The following POLR2F variants were observed in gnomAD, a reference collection of about 807,000 sequenced individuals.
POLR2F encodes RNA polymerase II, I and III subunit F, also known as DNA-directed RNA polymerases I, II, and III subunit RPABC2.
Under a neutral mutation model 22.7 loss-of-function variants are expected in POLR2F, and 12 were observed. The observed-to-expected ratio is 0.53, with a 90% CI of 0.34 to 0.86. POLR2F has a LOEUF of 0.86. Ranked by LOEUF, POLR2F falls within the 40% of genes least tolerant of loss-of-function variation. The probability of loss-of-function intolerance (pLI) is 0.02; values close to 1 mark genes in which losing one functional copy is unlikely to be tolerated. For missense variants in POLR2F, 126 were observed against 171.5 expected (o/e 0.73, Z 1.48); for synonymous variants, 57 against 66.0 (o/e 0.86, Z 0.66).
At chr22:38,010,773 C>T (rs975198779) in intron 1 of POLR2F, among the ~76,000 whole-genome samples, 2 of 151,748 alleles carry the variant, frequency 1.3e-5, no homozygotes, top group South Asian at 2.1e-4. Context: ...CACCCCACCA[C>T]GACCAGCTAA....
upstream of POLR2F, chr22:37,983,713 G>A (rs763019569): frequency 1.8e-4 from 265 of 1,501,208 alleles, no homozygotes; most frequent in African/African-American, 3.4e-3. This position sits in a 1 kb window ranked among gnomAD's most constrained non-coding sequence, Gnocchi z 9.5. Context: ...CGCTCCCCGG[G>A]GACAGGCAGC....
At chr22:37,956,899 C>A in intron 2 of POLR2F, 57 bp downstream of exon 2, 2 of 1,331,764 alleles carry the variant, frequency 1.5e-6, no homozygotes, top group South Asian at 1.2e-5. Flanking sequence ...AATCGTCTGA[C>A]AGGTGATGAT....
chr22:38,031,868 T>C lies in POLR2F; in HGVS notation c.453-9200T>C, dbSNP rs964518577. On this transcript the variant is annotated intron_variant, in intron 5 of 5. Coordinates refer to the POLR2F transcript ENST00000407936. The surrounding 1 kb of genome is among the most constrained non-coding windows in gnomAD (Gnocchi z 4.1). The stretch of plus-strand genomic sequence containing the variant: ...ACTCATCCATCCCCTTCATCCCCTA[T>C]GGCTAGTCATCGGCCATGACAATTT... Among the ~76,000 whole-genome samples the C allele has an allele frequency of 5.3e-5, 8 of 152,116 alleles. No homozygotes were observed. The highest frequency in any genetic ancestry group is 1.7e-4 in the African/African-American group (7 of 41,420).
intron 1 of POLR2F, among the ~76,000 whole-genome samples, chr22:37,993,111 A>T (rs1932754480): frequency 6.6e-6 from 1 of 152,108 alleles, no homozygotes; most frequent in African/African-American, 2.4e-5. Flanking sequence ...CCTTTATGAG[A>T]TGGGTCCATT....
rs1280732886 is a variant in POLR2F at position 37,986,878 on chromosome 22, T to G, written c.120+566T>G. On this transcript the variant is annotated intron_variant, in intron 1 of 2. Transcript: ENST00000333418. The surrounding 1 kb of genome is among the most constrained non-coding windows in gnomAD (Gnocchi z 4.7). ...AGGGTGAAGGACCCATAGTCATTCC[T>G]GAAGAGCAGGGAGCTTGGAGAGGGG... 3 of 451,392 alleles carry G rather than the reference T, an allele frequency of 6.6e-6. No individual in the cohort carries two copies. The highest frequency in any genetic ancestry group is 7.0e-5 in the East Asian group (1 of 14,252). The allele number at this position is 451,392 out of a possible 1,614,324, so 28.0% of individuals were successfully genotyped here. A position where few individuals can be genotyped will look rare whatever the true frequency, so the allele number is the denominator to read the frequency against.
At chr22:37,982,442 C>T (rs1456099223), upstream of POLR2F, among the ~76,000 whole-genome samples, 1 of 152,176 alleles carries the variant, frequency 6.6e-6, no homozygotes, top group Non-Finnish European at 1.5e-5. Context: ...GGAGGCCTGG[C>T]TGAACCCCAG....
intron 5 of POLR2F, among the ~76,000 whole-genome samples, chr22:38,039,085 C>G (rs1039621468): frequency 1.3e-4 from 20 of 152,230 alleles, no homozygotes; most frequent in Admixed American, 7.8e-4. Flanking sequence ...TCCCGCGGCC[C>G]TTGCCTCCCG....
At position 37,997,468 on chromosome 22, in the gene POLR2F, C is replaced by T. The variant is rs1347874018; in HGVS notation, c.120+11156C>T. On this transcript the variant is annotated intron_variant, in intron 1 of 2. Transcript: ENST00000333418. The surrounding 1 kb of genome is among the most constrained non-coding windows in gnomAD (Gnocchi z 4.4). ...TCTCCCTGTTTTTCTCTCCCTGATG[C>T]GTTCTCTCTGTCCCTCCCTCCATGA... 3.9e-5 allele frequency among the ~76,000 whole-genome samples: 6 copies of T among 152,100 alleles called. No individual in the cohort carries two copies. The highest frequency in any genetic ancestry group is 1.3e-4 in the Admixed American group (2 of 15,266).
intron 1 of POLR2F, among the ~76,000 whole-genome samples, chr22:37,989,177 G>A (rs1397463833): frequency 1.3e-5 from 2 of 152,180 alleles, no homozygotes; most frequent in South Asian, 2.1e-4. Context: ...GGCAGATCAC[G>A]CTATTAACCT....
intron 5 of POLR2F, among the ~76,000 whole-genome samples, chr22:38,036,139 CTAAGTTTTTGTATTTT>C (rs1249847373): frequency 6.6e-6 from 1 of 152,000 alleles, no homozygotes; most frequent in Non-Finnish European, 1.5e-5. Flanking sequence ...CTGCACCTGG[CTAAGTTTTTGTATTTT>C]TAGTAGAGAC....
At chr22:38,025,841 C>G (rs1171487628) in intron 1 of POLR2F, 4 of 1,258,984 alleles carry the variant, frequency 3.2e-6, no homozygotes, top group Non-Finnish European at 3.5e-6. Flanking sequence ...GTATGAAACT[C>G]ACTTCACCAA....
rs1483674252 is a variant in POLR2F at position 37,986,933 on chromosome 22, C to T, written c.120+621C>T. On this transcript the variant is annotated intron_variant, in intron 1 of 2. Coordinates refer to the POLR2F transcript ENST00000333418. The surrounding 1 kb of genome is among the most constrained non-coding windows in gnomAD (Gnocchi z 4.7). ...ATCCTGGCTGAAGACACCTGGGCCT[C>T]TGCCCCAGCAGGACAACAGGAGGGC... 8.8e-6 allele frequency: 4 copies of T among 452,750 alleles called. No homozygotes were observed. The highest frequency in any genetic ancestry group is 2.0e-5 in the African/African-American group (1 of 49,990). The allele number at this position is 452,750 out of a possible 1,614,324, so 28.0% of individuals were successfully genotyped here. A position where few individuals can be genotyped will look rare whatever the true frequency, so the allele number is the denominator to read the frequency against.
At chr22:37,982,989 G>A (rs1011073191), upstream of POLR2F, among the ~76,000 whole-genome samples, 2 of 152,108 alleles carry the variant, frequency 1.3e-5, no homozygotes, top group Non-Finnish European at 2.9e-5. Context: ...CGTTTCCCTC[G>A]TATCCTCCTG....
chr22:38,025,791 T>A, intron 1 of POLR2F: 1 of 1,544,026 alleles, frequency 6.5e-7, no homozygotes, highest in Non-Finnish European at 8.8e-7. Flanking sequence ...ATCTGCACCC[T>A]CTTTTGGGCA....
chr22:37,974,236 G>A (rs1216155991), downstream of POLR2F: 1 of 1,529,162 alleles, frequency 6.5e-7, no homozygotes, highest in Non-Finnish European at 8.9e-7. The surrounding 1 kb of genome is among the most constrained non-coding windows in gnomAD (Gnocchi z 5.4). Context: ...AGCGCAAGGG[G>A]GAAGCAGGTT....
intron 1 of POLR2F, among the ~76,000 whole-genome samples, chr22:38,011,786 A>G (rs957115090): frequency 1.3e-5 from 2 of 151,964 alleles, no homozygotes; most frequent in Non-Finnish European, 2.9e-5. Context: ...AATTTCTTCA[A>G]AAAAAGCTTG....
At chr22:38,003,645 C>T (rs758436179) in intron 1 of POLR2F, among the ~76,000 whole-genome samples, 6 of 151,782 alleles carry the variant, frequency 4.0e-5, no homozygotes, top group Admixed American at 2.0e-4. Flanking sequence ...GGTATGATCC[C>T]GGCTTACTGC....
Position 37,978,264 on chromosome 22 carries a change from C to T in POLR2F, c.293+11094C>T. The stretch of plus-strand genomic sequence containing the variant: ...GCCCTGGGATGGGGCACCCAGAGGA[C>T]AGGACCCGGGGTGGGGGCTGTGCCC... On this transcript the variant is annotated intron_variant, in intron 4 of 4. Transcript: ENST00000405557. The surrounding 1 kb of genome is among the most constrained non-coding windows in gnomAD (Gnocchi z 5.0). 9.9e-7 allele frequency: 1 copy of T among 1,011,484 alleles called. No individual in the cohort carries two copies. Among genetic ancestry groups the T allele is most frequent in the Non-Finnish European group, 1.4e-6 (1 of 715,324 alleles). 62.7% of individuals were successfully genotyped at this position (1,011,484 alleles called of 1,614,324 possible).
chr22:37,983,619 T>C, upstream of POLR2F: 1 of 1,606,168 alleles, frequency 6.2e-7, no homozygotes, highest in Non-Finnish European at 8.5e-7. The surrounding 1 kb of genome is among the most constrained non-coding windows in gnomAD (Gnocchi z 9.5). Flanking sequence ...TGCTGCTCCT[T>C]CTTGACCTTG....
Sources: allele counts gnomAD v4.1 joint callset (sites outside exome capture counted in the v4.1 genomes callset), GRCh38; gene constraint gnomAD v4.1.1; non-coding constraint Gnocchi (gnomAD v3.1); transcripts MANE v1.5; gene names NCBI Gene and HGNC (gene_info 2026-07-23, HGNC 2026-07-21).